Variants in CCM2L observed in about 807,000 individuals in gnomAD.
CCM2L encodes the protein cerebral cavernous malformations 2 protein-like.
CCM2L carries 36 observed loss-of-function variants against 54.1 expected under a neutral mutation model. The ratio of observed to expected loss-of-function variants is 0.67; its 90% confidence interval spans 0.51 to 0.88. CCM2L has a LOEUF of 0.88. Ranked by LOEUF, CCM2L falls within the 40% of genes least tolerant of loss-of-function variation. CCM2L has a pLI of 0.00. For missense variants in CCM2L, 700 were observed against 812.1 expected (o/e 0.86, Z 1.68); for synonymous variants, 351 against 359.3 (o/e 0.98, Z 0.26).
At chr20:32,017,719 T>C (rs2064751641) in intron 2 of CCM2L, 81 bp from the exon 3 acceptor site, 1 of 1,058,420 alleles carries the variant, frequency 9.4e-7, no homozygotes, top group Non-Finnish European at 1.5e-6. Flanking sequence ...CTATCCGCAC[T>C]GCATCAATGA....
chr20:32,013,626 A>C (rs1303511892), intron 1 of CCM2L, among the ~76,000 whole-genome samples: 1 of 150,242 alleles, frequency 6.7e-6, no homozygotes, highest in Non-Finnish European at 1.5e-5. Flanking sequence ...TTTTTGGCAT[A>C]TTTTTTGTAG....
At chr20:32,028,127 G>A (rs1357786418) in intron 7 of CCM2L, 2 of 152,266 alleles carry the variant, frequency 1.3e-5, no homozygotes, top group Non-Finnish European at 2.9e-5. Context: ...TCCAGGTAGA[G>A]GGAACAGCAA....
At chr20:32,030,089 C>T (rs916337990) in intron 9 of CCM2L, among the ~76,000 whole-genome samples, 1 of 152,118 alleles carries the variant, frequency 6.6e-6, no homozygotes, top group Admixed American at 6.5e-5. Flanking sequence ...AGCAAAGCTG[C>T]GAGAGGGACT....
At chr20:32,027,798 G>A (rs900986177) in intron 7 of CCM2L, 1 of 152,132 alleles carries the variant, frequency 6.6e-6, no homozygotes, top group Non-Finnish European at 1.5e-5. Flanking sequence ...TACCTCCTAT[G>A]TGCCAGGCAC....
chr20:32,012,880 G>A (rs2064706007), intron 1 of CCM2L, among the ~76,000 whole-genome samples: 1 of 152,236 alleles, frequency 6.6e-6, no homozygotes, highest in Non-Finnish European at 1.5e-5. Context: ...CTCCTTGCAG[G>A]CAGGGAGGTT....
intron 1 of CCM2L, 117 bp from the exon 2 acceptor site, chr20:32,014,787 C>A: frequency 2.1e-6 from 2 of 970,226 alleles, no homozygotes; most frequent in Non-Finnish European, 3.0e-6. Flanking sequence ...TACAGAGGTA[C>A]CCCTTCTGCA....
At chr20:32,025,294 G>T in intron 6 of CCM2L, among the ~76,000 whole-genome samples, 1 of 139,770 alleles carries the variant, frequency 7.2e-6, no homozygotes, top group African/African-American at 2.7e-5. Flanking sequence ...TTTTTTTCAG[G>T]GTCTGGCTCT....
intron 9 of CCM2L, 51 bp downstream of exon 9, chr20:32,029,889 A>AT (rs1452733682): frequency 1.3e-6 from 2 of 1,494,340 alleles, no homozygotes; most frequent in East Asian, 4.9e-5. Context: ...TGCTTGGTCC[A>AT]TGCCATCCCA....
intron 1 of CCM2L, among the ~76,000 whole-genome samples, chr20:32,013,280 C>A (rs535529088): frequency 6.6e-6 from 1 of 152,294 alleles, no homozygotes; most frequent in African/African-American, 2.4e-5. Context: ...ATCTGGGCAA[C>A]AGAGCAACAT....
rs757803647 is a variant in CCM2L at position 32,029,816 on chromosome 20, C to G, written c.1380C>G (p.Asp460Glu). The G allele has an allele frequency of 6.2e-7, 1 of 1,606,618 alleles. No individual in the cohort carries two copies. Among genetic ancestry groups the G allele is most frequent in the South Asian group, 1.1e-5 (1 of 90,484 alleles). ...YCTGLLKLYG[D>E]RRKFLLLGMR... Reference sequence around the variant, plus strand: ...CAGGCCTGCTGAAGCTCTACGGAGACCGGCGCAAGTTCCTCCTCCTTGGTG... The same window carrying G: ...CAGGCCTGCTGAAGCTCTACGGAGAGCGGCGCAAGTTCCTCCTCCTTGGTG... Residue 460 changes from aspartate (D) to glutamate (E), a missense_variant, in exon 9 of 10, where the codon GAC becomes GAG. Asp to Glu is a conservative substitution (Grantham distance 45, BLOSUM62 2). Coordinates refer to ENST00000452892, the MANE Select transcript of CCM2L (RefSeq NM_001365692.1).
Position 32,029,712 on chromosome 20 carries a change from C to T in CCM2L, c.1276C>T (p.Leu426=), listed in dbSNP as rs2064901291. 1 of 1,610,642 alleles carries T rather than the reference C, an allele frequency of 6.2e-7. No homozygotes were observed. The highest frequency in any genetic ancestry group is 8.5e-7 in the Non-Finnish European group (1 of 1,178,274). ...GTCCCCCACATAGTTGCGGAGTAAGCTGGGGCCCCTCGAGATCCAGCAGTT... is the reference window on the plus strand; with the variant it reads ...GTCCCCCACATAGTTGCGGAGTAAGTTGGGGCCCCTCGAGATCCAGCAGTT... The part of the protein sequence containing the change: ...QDYMVTLRSK[L]GPLEIQQFAM... Residue 426 remains leucine, a synonymous_variant, in exon 9 of 10, where the codon CTG becomes TTG. Transcript: ENST00000452892.
At chr20:32,018,887 C>CG (rs562260253) in intron 4 of CCM2L, 56 bp from the exon 5 acceptor site, 17,387 of 1,246,118 alleles carry the variant, frequency 0.014, 120 homozygotes, top group South Asian at 0.018. Flanking sequence ...CTCGGCGGGG[C>CG]GGGGGGGTCT....
At position 32,018,063 on chromosome 20, in the gene CCM2L, C is replaced by A. The variant is rs2064755688; in HGVS notation, c.367C>A (p.Arg123Ser). 1 of 1,613,640 alleles carries A rather than the reference C, an allele frequency of 6.2e-7. No homozygotes were observed. ...TGCCCGCTGCCTGCTGCTCACCTGGCGCGACAATGAAGAGCTCATTCTGCG... is the reference window on the plus strand; with the variant it reads ...TGCCCGCTGCCTGCTGCTCACCTGGAGCGACAATGAAGAGCTCATTCTGCG... ...LSARCLLLTW[R>S]DNEELILRIP... Residue 123 changes from arginine (R) to serine (S), a missense_variant, in exon 4 of 10, where the codon CGC (arginine) becomes AGC (serine). Arg to Ser is a moderately radical substitution (Grantham distance 110). Coordinates refer to ENST00000452892, the MANE Select transcript of CCM2L (RefSeq NM_001365692.1).
At chr20:32,017,730 G>A in intron 2 of CCM2L, 70 bp from the exon 3 acceptor site, 1 of 1,236,640 alleles carries the variant, frequency 8.1e-7, no homozygotes, top group Non-Finnish European at 1.2e-6. Flanking sequence ...GCATCAATGA[G>A]AAGGCCAGGG....
At position 32,013,778 on chromosome 20, in the gene CCM2L, G is replaced by A. The variant is rs1444439778; in HGVS notation, c.31-1126G>A. Among the ~76,000 whole-genome samples, 4 of 152,132 alleles carry A rather than the reference G, an allele frequency of 2.6e-5. No homozygotes were observed. In the East Asian group the frequency reaches 7.7e-4, roughly 29 times the overall value. On this transcript the variant is annotated intron_variant, in intron 1 of 9. Coordinates refer to ENST00000452892, the MANE Select transcript of CCM2L (RefSeq NM_001365692.1). Reference sequence around the variant, plus strand: ...CCCAGGTAGTACTAAAGGATAGCCAGGGCTGGGAGCGACTGCTCTAAATGC... The same window carrying A: ...CCCAGGTAGTACTAAAGGATAGCCAAGGCTGGGAGCGACTGCTCTAAATGC...
intron 1 of CCM2L, 26 bp downstream of exon 1, chr20:32,010,510 A>C: frequency 1.7e-6 from 2 of 1,156,446 alleles, no homozygotes; most frequent in Non-Finnish European, 2.2e-6. Context: ...GGAGGGACGA[A>C]GGGAGAGGAA....
chr20:32,011,429 A>G (rs1294151945), intron 1 of CCM2L, among the ~76,000 whole-genome samples: 1 of 152,018 alleles, frequency 6.6e-6, no homozygotes, highest in Non-Finnish European at 1.5e-5. Context: ...ACATGGCGAA[A>G]CCCTGTCTCT....
intron 1 of CCM2L, among the ~76,000 whole-genome samples, chr20:32,012,816 A>G (rs1351189009): frequency 1.3e-5 from 2 of 152,190 alleles, no homozygotes; most frequent in East Asian, 3.9e-4. Context: ...TGAATGAGTA[A>G]ATGAACAGAT....
rs982716017 is a variant in CCM2L at position 32,031,182 on chromosome 20, G to A, written c.1584G>A (p.Gln528=). The change falls in exon 10 of 10, where the codon CAG becomes CAA. Residue 528 remains glutamine (Q), a synonymous_variant. Coordinates refer to ENST00000452892, the MANE Select transcript of CCM2L (RefSeq NM_001365692.1). ...GCGCGGCGCAGCGGCCCGAGGCACAGGCCTTCCACCGGCTGCTGGCTGACA... is the reference window on the plus strand; with the variant it reads ...GCGCGGCGCAGCGGCCCGAGGCACAAGCCTTCCACCGGCTGCTGGCTGACA... The part of the protein sequence containing the change: ...YDGAAQRPEA[Q]AFHRLLADIT... The A allele has an allele frequency of 7.8e-5, 102 of 1,302,064 alleles. No homozygotes were observed. The highest frequency in any genetic ancestry group is 1.0e-4 in the Non-Finnish European group (100 of 988,538). The allele number at this position is 1,302,064 out of a possible 1,614,324, so 80.7% of individuals were successfully genotyped here.
Sources: allele counts gnomAD v4.1 joint callset (sites outside exome capture counted in the v4.1 genomes callset), GRCh38; gene constraint gnomAD v4.1.1; transcripts MANE v1.5; gene names NCBI Gene and HGNC (gene_info 2026-07-23, HGNC 2026-07-21).